BAIAP2L2: variants seen among roughly 807,000 people sequenced by gnomAD.
The protein encoded by BAIAP2L2 is BAR/IMD domain-containing adapter protein 2-like 2.
A neutral mutation model predicts 60.4 loss-of-function variants in BAIAP2L2; 65 were observed. The ratio of observed to expected loss-of-function variants is 1.08; its 90% confidence interval spans 0.88 to 1.32. The LOEUF (loss-of-function observed/expected upper bound fraction) is 1.32, where lower values mean the gene tolerates loss of function less well. Among genes scored for constraint, BAIAP2L2 ranks in the 40% most tolerant of loss-of-function variants. The pLI, the probability that BAIAP2L2 is intolerant of heterozygous loss-of-function variation, is 0.00. For synonymous variants in BAIAP2L2, 344 were observed against 301.7 expected, an observed-to-expected ratio of 1.14 and a Z score of -1.45; for missense variants, 836 against 741.2, an observed-to-expected ratio of 1.13 and a Z score of -1.48.
chr22:38,086,270 C>T lies in BAIAP2L2; in HGVS notation c.1439G>A (p.Gly480Asp). ...PLPSSRRSSMGSTAVATDVKK... is the reference protein window; with the variant it reads ...PLPSSRRSSMDSTAVATDVKK... Reference sequence around the variant, plus strand: ...GACGTCAGTGGCAACTGCTGTGCTGCCCATGCTGCTGCGGCGGCTGCTGGG... The same window carrying T: ...GACGTCAGTGGCAACTGCTGTGCTGTCCATGCTGCTGCGGCGGCTGCTGGG... Residue 480 changes from glycine (G) to aspartate (D), a missense_variant, in exon 12 of 14, where the codon GGC becomes GAC. Physicochemically the swap from Gly to Asp is moderately conservative, Grantham distance 94. Transcript: ENST00000381669. The T allele has an allele frequency of 6.2e-7, 1 of 1,611,016 alleles. No homozygotes were observed. Among genetic ancestry groups the T allele is most frequent in the Non-Finnish European group, 8.5e-7 (1 of 1,179,086 alleles).
At position 38,098,170 on chromosome 22, in the gene BAIAP2L2, G is replaced by A; in HGVS notation, c.358C>T (p.Gln120Ter). 1 of 1,614,080 alleles carries A rather than the reference G, an allele frequency of 6.2e-7. No homozygotes were observed. Among genetic ancestry groups the A allele is most frequent in the Non-Finnish European group, 8.5e-7 (1 of 1,180,024 alleles). Residue 120 changes from glutamine (Q) to a stop codon, truncating the protein, a stop_gained, in exon 6 of 14, where the codon CAG becomes TAG. Coordinates refer to ENST00000381669, the MANE Select transcript of BAIAP2L2 (RefSeq NM_025045.6). LOFTEE classifies it high-confidence loss of function. Reference protein sequence around the residue: ...LDMQFIKDSRQHYELEYRHRA... With the variant: ...LDMQFIKDSR Reference sequence around the variant, plus strand: ...TGGCGGTACTCGAGCTCATAGTGCTGGCGGCTGTCCTGGGGTAGGGTGGAG... The same window carrying A: ...TGGCGGTACTCGAGCTCATAGTGCTAGCGGCTGTCCTGGGGTAGGGTGGAG...
chr22:38,097,054 G>C lies in BAIAP2L2; in HGVS notation c.590C>G (p.Thr197Ser). The C allele has an allele frequency of 1.9e-6, 3 of 1,613,814 alleles. No homozygotes were observed. The highest frequency in any genetic ancestry group is 2.5e-6 in the Non-Finnish European group (3 of 1,179,858). Residue 197 changes from threonine to serine, a missense_variant, in exon 7 of 14, where the codon ACC becomes AGC. Transcript: ENST00000381669. ...CACCCGGCCGAAGAACTGCAGGAAG[G>C]TGTTGGAAAGTAGCAGGTGCTTCTC... ...LAEKHLLLSN[T>S]FLQFFGRARG...
chr22:38,102,342 G>C, intron 4 of BAIAP2L2, among the ~76,000 whole-genome samples: 1 of 152,158 alleles, frequency 6.6e-6, no homozygotes, highest in East Asian at 1.9e-4. Context: ...TCTAACAAAA[G>C]TAGGAGCATG....
At chr22:38,110,041 G>C (rs200358561) in intron 1 of BAIAP2L2, among the ~76,000 whole-genome samples, 340 of 32,070 alleles carry the variant, frequency 0.011, 40 homozygotes, top group African/African-American at 0.031. Context: ...GACAGAGACA[G>C]GGAGAGACAG....
chr22:38,110,099 CAGAGAGAGGGAGAGAGAGAGGGAGAG>C (rs2086790332), intron 1 of BAIAP2L2, among the ~76,000 whole-genome samples: 2 of 10,158 alleles, frequency 2.0e-4, no homozygotes, highest in African/African-American at 8.0e-4. Flanking sequence ...GAGAGAGAGA[CAGAGAGAGGGAGAGAGAGAGGGAGAG>C]AGAGAGAGAG....
At position 38,109,115 on chromosome 22, in the gene BAIAP2L2, G is replaced by T; in HGVS notation, c.127+18C>A. On this transcript the variant is annotated intron_variant, in intron 2 of 13. Transcript: ENST00000381669. ...AGAGGCCCAGGGCTGGGGCTCGGTG[G>T]CCCGGGCAGGCACTCACCGTGGAAG... 1 of 1,602,450 alleles carries T rather than the reference G, an allele frequency of 6.2e-7. No homozygotes were observed. Among genetic ancestry groups the T allele is most frequent in the Non-Finnish European group, 8.5e-7 (1 of 1,171,402 alleles).
chr22:38,088,781 C>G lies in BAIAP2L2; in HGVS notation c.1085G>C (p.Gly362Ala), dbSNP rs772656015. ...VEVLVPEAQN[G>A]WLYGKLEGSS... ...GCCCTCCAGCTTGCCGTAGAGCCAG[C>G]CGTTCTGGGCCTCGGGCACCAACAC... The change falls in exon 10 of 14, where the codon GGC becomes GCC. Residue 362 changes from glycine (G) to alanine (A), a missense_variant. Coordinates refer to ENST00000381669, the MANE Select transcript of BAIAP2L2 (RefSeq NM_025045.6). 1.3e-5 allele frequency: 21 copies of G among 1,600,956 alleles called. No homozygotes were observed. The highest frequency in any genetic ancestry group is 1.8e-5 in the Non-Finnish European group (21 of 1,179,532).
chr22:38,085,193 C>G lies in BAIAP2L2; in HGVS notation c.*107G>C. The G allele has an allele frequency of 7.8e-7, 1 of 1,283,198 alleles. No individual in the cohort carries two copies. Among genetic ancestry groups the G allele is most frequent in the Non-Finnish European group, 1.1e-6 (1 of 915,834 alleles). 79.5% of individuals were successfully genotyped at this position (1,283,198 alleles called of 1,614,324 possible). A position where few individuals can be genotyped will look rare whatever the true frequency, so the allele number is the denominator to read the frequency against. ...TGGGGAGGGCAGCCACCCCCCGTCT[C>G]AGGGACCCGCTTCTTGGATCTGCTG... On this transcript the variant is annotated 3_prime_UTR_variant, in exon 14 of 14. Coordinates refer to ENST00000381669, the MANE Select transcript of BAIAP2L2 (RefSeq NM_025045.6).
chr22:38,107,029 A>C (rs887957946), intron 4 of BAIAP2L2, among the ~76,000 whole-genome samples: 1 of 152,122 alleles, frequency 6.6e-6, no homozygotes, highest in African/African-American at 2.4e-5. Context: ...TATGCTTATT[A>C]ATTCACGTCA....
intron 7 of BAIAP2L2, among the ~76,000 whole-genome samples, chr22:38,092,849 C>A (rs943752968): frequency 1.3e-5 from 2 of 151,904 alleles, no homozygotes; most frequent in African/African-American, 4.8e-5. Flanking sequence ...GGTATGAGTT[C>A]ATGCAAGATC....
chr22:38,100,862 CA>C (rs1301156994), intron 4 of BAIAP2L2, among the ~76,000 whole-genome samples: 9 of 152,150 alleles, frequency 5.9e-5, no homozygotes, highest in Non-Finnish European at 1.3e-4. Context: ...AAGCTAGACA[CA>C]AAAGAATATA....
Position 38,085,729 on chromosome 22 carries a change from G to C in BAIAP2L2, c.1471C>G (p.Leu491Val), listed in dbSNP as rs773808608. The change falls in exon 13 of 14, where the codon CTG becomes GTG. Residue 491 changes from leucine (L) to valine (V), a missense_variant. Physicochemically the swap from Leu to Val is conservative, Grantham distance 32. Transcript: ENST00000381669. ...GGTGGGTACTGCTCTGAGGACATCA[G>C]TTTCTGCAGTGGGGGTGGGGAAGGG... The part of the protein sequence containing the change: ...STAVATDVKK[L>V]MSSEQYPPQE... 1.3e-6 allele frequency: 2 copies of C among 1,598,090 alleles called. No individual in the cohort carries two copies. The highest frequency in any genetic ancestry group is 4.5e-5 in the East Asian group (2 of 44,760).
At chr22:38,098,015 CT>C in intron 6 of BAIAP2L2, 47 bp downstream of exon 6, 3 of 948,442 alleles carry the variant, frequency 3.2e-6, no homozygotes, top group Non-Finnish European at 4.8e-6. Flanking sequence ...GCCCCGAGGT[CT>C]GCCCACCCGC....
chr22:38,089,040 G>T, intron 9 of BAIAP2L2, 56 bp downstream of exon 9: 1 of 1,406,504 alleles, frequency 7.1e-7, no homozygotes, highest in Non-Finnish European at 9.2e-7. Flanking sequence ...TCCTGCTGCA[G>T]CCCCACCCCC....
intron 2 of BAIAP2L2, 83 bp downstream of exon 2, chr22:38,109,050 T>C: frequency 1.9e-6 from 2 of 1,035,558 alleles, no homozygotes; most frequent in East Asian, 2.9e-5. Flanking sequence ...AGGTGTGGGA[T>C]GCAGAGAATC....
rs766933358 is a variant in BAIAP2L2 at position 38,097,157 on chromosome 22, C to T, written c.487G>A (p.Ala163Thr). 2.5e-6 allele frequency: 4 copies of T among 1,613,762 alleles called. No individual in the cohort carries two copies. Among genetic ancestry groups the T allele is most frequent in the South Asian group, 1.1e-5 (1 of 91,088 alleles). Residue 163 changes from alanine to threonine, a missense_variant, in exon 7 of 14, where the codon GCA (alanine) becomes ACA (threonine). Coordinates refer to ENST00000381669, the MANE Select transcript of BAIAP2L2 (RefSeq NM_025045.6). ...TCAGACACGAAGGCCTGCATCTGTG[C>T]GTGCAGCCGGTTCACACTCTCCTGG... ...EMKESVNRLH[A>T]QMQAFVSESQ...
At chr22:38,087,900 C>CG (rs1555962606) in intron 10 of BAIAP2L2, among the ~76,000 whole-genome samples, 7 of 151,472 alleles carry the variant, frequency 4.6e-5, no homozygotes, top group Admixed American at 2.6e-4. Flanking sequence ...ACCCCCCCCC[C>CG]GCCATTTAAG....
chr22:38,088,861 G>A lies in BAIAP2L2; in HGVS notation c.1005C>T (p.His335=). The change falls in exon 10 of 14, where the codon CAC becomes CAT. Residue 335 remains histidine, a synonymous_variant. Transcript: ENST00000381669. ...GCAGCGTGTGGTTGGCGCCCTCCGA[G>A]TGGGAGACCAGGGCGCGGACTCTCC... The part of the protein sequence containing the change: ...GARRVRALVS[H]SEGANHTLLR... 1 of 1,595,994 alleles carries A rather than the reference G, an allele frequency of 6.3e-7. No individual in the cohort carries two copies. Among genetic ancestry groups the A allele is most frequent in the Non-Finnish European group, 8.5e-7 (1 of 1,178,372 alleles).
chr22:38,100,576 A>G (rs2086546158), intron 4 of BAIAP2L2, among the ~76,000 whole-genome samples: 1 of 149,712 alleles, frequency 6.7e-6, no homozygotes, highest in African/African-American at 2.5e-5. Flanking sequence ...AAATAAATAA[A>G]GCTTAGCACC....
Sources: allele counts gnomAD v4.1 joint callset (sites outside exome capture counted in the v4.1 genomes callset), GRCh38; gene constraint gnomAD v4.1.1; transcripts MANE v1.5; gene names NCBI Gene and HGNC (gene_info 2026-07-23, HGNC 2026-07-21).